CDK2AP1: variants seen among roughly 807,000 people sequenced by gnomAD.
CDK2AP1 encodes the protein cyclin-dependent kinase 2-associated protein 1.
In CDK2AP1, 10 loss-of-function variants were observed where a neutral mutation model predicts 14.1. The observed-to-expected ratio is 0.71, with a 90% CI of 0.44 to 1.20. CDK2AP1 has a LOEUF of 1.20. Ranked by LOEUF, CDK2AP1 falls within the 50% of genes most tolerant of loss-of-function variation. The probability of loss-of-function intolerance (pLI) is 0.00; values close to 1 mark genes in which losing one functional copy is unlikely to be tolerated. For synonymous variants in CDK2AP1, 59 were observed against 59.8 expected (o/e 0.99, Z 0.06); for missense variants, 102 against 149.9 (o/e 0.68, Z 1.67).
chr12:123,267,416 C>A, intron 1 of CDK2AP1, 134 bp from the exon 2 acceptor site: 1 of 652,630 alleles, frequency 1.5e-6, no homozygotes, highest in Non-Finnish European at 2.8e-6. Context: ...CTGCTCTCCA[C>A]CTCCGGTTTG....
intron 3 of CDK2AP1, among the ~76,000 whole-genome samples, chr12:123,264,391 C>T (rs1207448356): frequency 7.0e-6 from 1 of 142,674 alleles, no homozygotes; most frequent in African/African-American, 2.7e-5. Context: ...ACCCAGGAGG[C>T]GGAGGTTGCG....
At chr12:123,271,433 T>C in intron 1 of CDK2AP1, 131 bp downstream of exon 1, 1 of 301,584 alleles carries the variant, frequency 3.3e-6, no homozygotes, top group Non-Finnish European at 4.8e-6. Flanking sequence ...GCGGCAGCGC[T>C]GCCCCGGGCC....
chr12:123,267,436 T>C, intron 1 of CDK2AP1, 154 bp from the exon 2 acceptor site: 1 of 603,468 alleles, frequency 1.7e-6, no homozygotes, highest in Non-Finnish European at 3.0e-6. Context: ...GACCAGCATA[T>C]AAGATGGATA....
chr12:123,264,462 CAAAAAAAAAAAAAAAAAAA>C (rs1167157405), intron 3 of CDK2AP1, among the ~76,000 whole-genome samples: 1 of 69,888 alleles, frequency 1.4e-5, no homozygotes, highest in Non-Finnish European at 2.4e-5. Context: ...CTCCGTCTCC[CAAAAAAAAAAAAAAAAAAA>C]AAAAAAAAAA....
rs750460253 is a variant in CDK2AP1 at position 123,267,212 on chromosome 12, G to A, written c.126C>T (p.Tyr42=). Residue 42 remains tyrosine (Y), a synonymous_variant, in exon 2 of 4, where the codon TAC becomes TAT. Coordinates refer to ENST00000261692, the MANE Select transcript of CDK2AP1 (RefSeq NM_004642.4). ...SSQYRQLLSD[Y]GPPSLGYTQG... Reference sequence around the variant, plus strand: ...GGGTGTAGCCTAGGGACGGTGGCCCGTAGTCACTGAGCAGCTGGCGGTACT... The same window carrying A: ...GGGTGTAGCCTAGGGACGGTGGCCCATAGTCACTGAGCAGCTGGCGGTACT... 5.3e-5 allele frequency: 85 copies of A among 1,611,030 alleles called. 1 individual carries two copies. Among genetic ancestry groups the A allele is most frequent in the Admixed American group, 4.7e-4 (28 of 59,986 alleles).
At chr12:123,268,875 G>C (rs1197910358) in intron 1 of CDK2AP1, among the ~76,000 whole-genome samples, 2 of 152,176 alleles carry the variant, frequency 1.3e-5, no homozygotes, top group Non-Finnish European at 2.9e-5. Context: ...CAGCAAGCAT[G>C]GCATGGCGAA....
chr12:123,265,007 C>G lies in CDK2AP1; in HGVS notation c.280+189G>C, dbSNP rs1278190730. ...ACCCCTCTGAAGACATCCAGCCCCC[C>G]AGGCCCCTCGCTACCAGACCCATCG... is the stretch of plus-strand genomic sequence containing the variant. On this transcript the variant is annotated intron_variant, in intron 3 of 3. Transcript: ENST00000261692. The surrounding 1 kb of genome is among the most constrained non-coding windows in gnomAD (Gnocchi z 5.3). 1.3e-5 allele frequency among the ~76,000 whole-genome samples: 2 copies of G among 152,178 alleles called. No individual in the cohort carries two copies. The highest frequency in any genetic ancestry group is 2.9e-5 in the Non-Finnish European group (2 of 68,036).
At chr12:123,270,892 G>A (rs2048347657) in intron 1 of CDK2AP1, 5 of 984,958 alleles carry the variant, frequency 5.1e-6, no homozygotes, top group Admixed American at 6.2e-5. Context: ...CTCACCTTAC[G>A]GGGGTCCCCG....
In CDK2AP1 at chr12:123,261,634, C is replaced by T. The variant is rs1214627067; in HGVS notation, c.*102G>A. On this transcript the variant is annotated 3_prime_UTR_variant, in exon 4 of 4. Transcript: ENST00000261692. ...GTGAACCATGGGAGGAAAAACGAAA[C>T]TGTAACCATTTTGAAAACAAGGGTT... 6 of 979,156 alleles carry T rather than the reference C, an allele frequency of 6.1e-6. No individual in the cohort carries two copies. The highest frequency in any genetic ancestry group is 8.1e-6 in the Non-Finnish European group (5 of 618,536). The allele number at this position is 979,156 out of a possible 1,614,324, so 60.7% of individuals were successfully genotyped here.
In CDK2AP1 at chr12:123,271,594, C is replaced by G; in HGVS notation, c.25G>C (p.Ala9Pro). The G allele has an allele frequency of 9.9e-7, 1 of 1,007,736 alleles. No homozygotes were observed. Among genetic ancestry groups the G allele is most frequent in the Non-Finnish European group, 1.2e-6 (1 of 845,012 alleles). The allele number at this position is 1,007,736 out of a possible 1,614,324, so 62.4% of individuals were successfully genotyped here. A position where few individuals can be genotyped will look rare whatever the true frequency, so the allele number is the denominator to read the frequency against. Residue 9 changes from alanine to proline, a missense_variant, in exon 1 of 4, where the codon GCG (alanine) becomes CCG (proline). This residue lies in a region of CDK2AP1 where 50 missense variants were observed against 42.7 expected (regional missense o/e 1.17). Coordinates refer to ENST00000261692, the MANE Select transcript of CDK2AP1 (RefSeq NM_004642.4). The part of the protein sequence containing the change: MSYKPNLA[A>P]HMPAAALNAA... ...TTGAGGGCGGCGGCGGGCATGTGCG[C>G]GGCCAAGTTCGGTTTGTAAGACATC...
intron 1 of CDK2AP1, chr12:123,267,550 C>T: frequency 4.9e-6 from 2 of 411,248 alleles, no homozygotes; most frequent in South Asian, 4.6e-5. Context: ...AGCAGCAGGG[C>T]TGCTCCCAAA....
At chr12:123,264,256 C>T (rs985552809) in intron 3 of CDK2AP1, among the ~76,000 whole-genome samples, 2 of 152,014 alleles carry the variant, frequency 1.3e-5, no homozygotes, top group African/African-American at 2.4e-5. Context: ...GTTGGGAGTT[C>T]AAGACCAGGC....
intron 1 of CDK2AP1, chr12:123,270,910 G>A: frequency 1.0e-6 from 1 of 985,084 alleles, no homozygotes; most frequent in Non-Finnish European, 1.2e-6. Context: ...CCGCGTGACC[G>A]CATGGGGTAG....
Position 123,261,808 on chromosome 12 carries a change from AACAG to A in CDK2AP1, c.281-9_281-6del. 2 of 1,610,672 alleles carry A rather than the reference AACAG, an allele frequency of 1.2e-6. No homozygotes were observed. Among genetic ancestry groups the A allele is most frequent in the Non-Finnish European group, 8.5e-7 (1 of 1,176,810 alleles). ...GTCCTCTAGCGTGAATGATGCCTGAAACAGAGGCAGAGACCTGAGGTCAGCAAGT... is the reference window on the plus strand; with the variant it reads ...GTCCTCTAGCGTGAATGATGCCTGAAAGGCAGAGACCTGAGGTCAGCAAGT... On this transcript the variant is annotated splice_polypyrimidine_tract_variant and splice_region_variant and intron_variant, in intron 3 of 3. Transcript: ENST00000261692.
chr12:123,269,701 G>A (rs1334925435), intron 1 of CDK2AP1, among the ~76,000 whole-genome samples: 1 of 152,228 alleles, frequency 6.6e-6, no homozygotes, highest in Admixed American at 6.5e-5. Context: ...GGGAGGCGGG[G>A]GCTTTGTCTA....
intron 1 of CDK2AP1, chr12:123,268,430 G>T (rs974100483): frequency 6.2e-6 from 1 of 161,600 alleles, no homozygotes; most frequent in East Asian, 1.9e-4. Flanking sequence ...GGACCTGAAG[G>T]GGTGGCCCCA....
At position 123,271,625 on chromosome 12, in the gene CDK2AP1, GGGCGGCGGGCGCGCCGGGCGC is replaced by G. The variant is rs2048354505; in HGVS notation, c.-28_-8del. On this transcript the variant is annotated 5_prime_UTR_variant, in exon 1 of 4. Coordinates refer to ENST00000261692, the MANE Select transcript of CDK2AP1 (RefSeq NM_004642.4). Reference sequence around the variant, plus strand: ...AGTTCGGTTTGTAAGACATCCCCCCGGGCGGCGGGCGCGCCGGGCGCGGCGGGGCCAGGCCGCGAGGGCGGC... The same window carrying G: ...AGTTCGGTTTGTAAGACATCCCCCCGGGCGGGGCCAGGCCGCGAGGGCGGC... The G allele has an allele frequency of 1.0e-6, 1 of 987,894 alleles. No individual in the cohort carries two copies. The highest frequency in any genetic ancestry group is 1.2e-6 in the Non-Finnish European group (1 of 832,526). 61.2% of individuals were successfully genotyped at this position (987,894 alleles called of 1,614,324 possible). A position where few individuals can be genotyped will look rare whatever the true frequency, so the allele number is the denominator to read the frequency against.
At chr12:123,267,745 G>A (rs538047668) in intron 1 of CDK2AP1, 114 of 162,430 alleles carry the variant, frequency 7.0e-4, no homozygotes, top group African/African-American at 2.6e-3. Context: ...CTCAATGACA[G>A]GGAAGACAGG....
intron 1 of CDK2AP1, among the ~76,000 whole-genome samples, chr12:123,270,468 C>T (rs1366298497): frequency 6.6e-6 from 1 of 152,138 alleles, no homozygotes; most frequent in Non-Finnish European, 1.5e-5. Flanking sequence ...CACCGGTGAC[C>T]AACGGGGCCA....
Sources: gnomAD v4.1 joint callset for allele counts (sites outside exome capture counted in the v4.1 genomes callset) on GRCh38, gnomAD v4.1.1 for gene constraint, gnomAD v4.1.1 regional missense constraint, Gnocchi (gnomAD v3.1) non-coding constraint, MANE v1.5 for transcripts, NCBI Gene and HGNC (gene_info 2026-07-23, HGNC 2026-07-21) for gene names.